EVA1A: variants seen among roughly 807,000 people sequenced by gnomAD.
EVA1A encodes eva-1 homolog A, regulator of programmed cell death.
In EVA1A, 7 loss-of-function variants were observed where a neutral mutation model predicts 9.8. The observed-to-expected ratio is 0.71, with a 90% CI of 0.41 to 1.34. EVA1A has a LOEUF of 1.34. Ranked by LOEUF, EVA1A falls within the 40% of genes most tolerant of loss-of-function variation. The pLI, the probability that EVA1A is intolerant of heterozygous loss-of-function variation, is 0.01. For missense variants in EVA1A, 206 were observed against 205.9 expected (o/e 1.00, Z 0.00); for synonymous variants, 90 against 85.6 (o/e 1.05, Z -0.28).
chr2:75,512,463 G>C (rs1674851308), intron 3 of EVA1A, among the ~76,000 whole-genome samples: 1 of 152,026 alleles, frequency 6.6e-6, no homozygotes, highest in African/African-American at 2.4e-5. Flanking sequence ...GCCAGTCCAG[G>C]ACTAAAAGGG....
intron 1 of EVA1A, among the ~76,000 whole-genome samples, chr2:75,554,870 C>G (rs1254944841): frequency 6.6e-6 from 1 of 152,188 alleles, no homozygotes; most frequent in Non-Finnish European, 1.5e-5. Context: ...GAGTCTTCTT[C>G]TCTACTCATA....
Position 75,501,318 on chromosome 2 carries a change from C to T in EVA1A, c.86-7709G>A, listed in dbSNP as rs574940184. ...TGCTCAAGTGACATGCCTTGAACTT[C>T]GCAAATGTTTAATTCCTTCTTTTGT... On this transcript the variant is annotated intron_variant, in intron 3 of 3. Coordinates refer to ENST00000393913, the MANE Select transcript of EVA1A (RefSeq NM_001135032.2). Among the ~76,000 whole-genome samples the T allele has an allele frequency of 6.6e-5, 10 of 152,254 alleles. No individual in the cohort carries two copies. The South Asian group carries it at 1.0e-3, about 16-fold the overall frequency.
intron 1 of EVA1A, among the ~76,000 whole-genome samples, chr2:75,523,719 A>G (rs1675311917): frequency 6.6e-6 from 1 of 152,192 alleles, no homozygotes; most frequent in African/African-American, 2.4e-5. Flanking sequence ...TGAACTCCGT[A>G]AGGGCAGGGA....
At chr2:75,533,848 G>A (rs924532704) in intron 1 of EVA1A, among the ~76,000 whole-genome samples, 4 of 151,362 alleles carry the variant, frequency 2.6e-5, no homozygotes, top group African/African-American at 9.7e-5. Flanking sequence ...GTCTTGCTCT[G>A]TTGCCCAGGC....
chr2:75,507,016 CATCCAAAAGT>C (rs1331334947), intron 3 of EVA1A, among the ~76,000 whole-genome samples: 1 of 152,222 alleles, frequency 6.6e-6, no homozygotes, highest in African/African-American at 2.4e-5. Flanking sequence ...CCTGTCCACA[CATCCAAAAGT>C]AGATCTGTCC....
intron 3 of EVA1A, among the ~76,000 whole-genome samples, chr2:75,515,714 C>A (rs952325100): frequency 6.6e-6 from 1 of 152,074 alleles, no homozygotes; most frequent in Non-Finnish European, 1.5e-5. Flanking sequence ...TTATATAAAC[C>A]GTATCTGTTT....
chr2:75,560,881 C>G lies in EVA1A; in HGVS notation c.-393G>C, dbSNP rs1276346726. Reference sequence around the variant, plus strand: ...TGGCCTGGGGATGTGGGGTCCCGGCCTGGGTGCTCACGGACGGCGGCGCCA... The same window carrying G: ...TGGCCTGGGGATGTGGGGTCCCGGCGTGGGTGCTCACGGACGGCGGCGCCA... On this transcript the variant is annotated 5_prime_UTR_variant, in exon 1 of 4. Transcript: ENST00000393913. 6.5e-6 allele frequency: 1 copy of G among 153,152 alleles called. No individual in the cohort carries two copies. The highest frequency in any genetic ancestry group is 2.4e-5 in the African/African-American group (1 of 41,472). 9.5% of individuals were successfully genotyped at this position (153,152 alleles called of 1,614,324 possible). A position where few individuals can be genotyped will look rare whatever the true frequency, so the allele number is the denominator to read the frequency against.
At chr2:75,493,863 T>C (rs933364320) in intron 3 of EVA1A, among the ~76,000 whole-genome samples, 5 of 152,154 alleles carry the variant, frequency 3.3e-5, no homozygotes, top group African/African-American at 1.2e-4. Context: ...AATGAAAAGG[T>C]AAAAGAAAGA....
At chr2:75,540,957 A>T (rs943087344) in intron 1 of EVA1A, 3 of 152,248 alleles carry the variant, frequency 2.0e-5, no homozygotes, top group African/African-American at 7.2e-5. Context: ...GGGACGCAGC[A>T]TGCAAGATGC....
In EVA1A at chr2:75,496,920, A is replaced by C. The variant is rs1289800378; in HGVS notation, c.86-3311T>G. 3.3e-5 allele frequency among the ~76,000 whole-genome samples: 5 copies of C among 152,226 alleles called. No individual in the cohort carries two copies. In the East Asian group the frequency reaches 7.7e-4, roughly 23 times the overall value. On this transcript the variant is annotated intron_variant, in intron 3 of 3. Coordinates refer to ENST00000393913, the MANE Select transcript of EVA1A (RefSeq NM_001135032.2). ...CCATCTGATCTTTGACAAAGTCAAC[A>C]ATAACAGCAAAGGGGAAAAGATTCT...
intron 3 of EVA1A, among the ~76,000 whole-genome samples, chr2:75,514,819 T>C (rs1674948223): frequency 6.6e-6 from 1 of 152,196 alleles, no homozygotes; most frequent in South Asian, 2.1e-4. Flanking sequence ...TTAGGAGACA[T>C]TTCCAGAAGT....
chr2:75,501,193 G>A (rs1319093272), intron 3 of EVA1A, among the ~76,000 whole-genome samples: 1 of 152,044 alleles, frequency 6.6e-6, no homozygotes, highest in Non-Finnish European at 1.5e-5. Flanking sequence ...GTTCATCCCT[G>A]ACTCCTCTGC....
At chr2:75,506,754 T>C (rs963801092) in intron 3 of EVA1A, among the ~76,000 whole-genome samples, 3 of 152,188 alleles carry the variant, frequency 2.0e-5, no homozygotes, top group South Asian at 2.1e-4. Flanking sequence ...TTAGGACACA[T>C]GGCCAGGACC....
At chr2:75,553,298 G>A (rs1321463098) in intron 1 of EVA1A, among the ~76,000 whole-genome samples, 2 of 152,236 alleles carry the variant, frequency 1.3e-5, no homozygotes, top group Non-Finnish European at 2.9e-5. Context: ...TGCCTCTAGT[G>A]TGGTACTTTA....
Position 75,493,526 on chromosome 2 carries a change from T to A in EVA1A, c.169A>T (p.Ile57Phe). The part of the protein sequence containing the change: ...VLTLAALVIR[I>F]SCHTDCRRRP... Reference sequence around the variant, plus strand: ...CGCCTGCAGTCTGTGTGGCAAGAGATCCTTATCACCAGAGCAGCCAGGGTC... The same window carrying A: ...CGCCTGCAGTCTGTGTGGCAAGAGAACCTTATCACCAGAGCAGCCAGGGTC... Residue 57 changes from isoleucine (I) to phenylalanine (F), a missense_variant, in exon 4 of 4, where the codon ATC (isoleucine) becomes TTC (phenylalanine). Transcript: ENST00000393913. The A allele has an allele frequency of 6.2e-7, 1 of 1,614,158 alleles. No homozygotes were observed. Among genetic ancestry groups the A allele is most frequent in the Non-Finnish European group, 8.5e-7 (1 of 1,180,028 alleles).
intron 1 of EVA1A, among the ~76,000 whole-genome samples, chr2:75,540,099 C>A (rs1558687631): frequency 6.6e-6 from 1 of 152,224 alleles, no homozygotes. Flanking sequence ...TAGAAGGAAA[C>A]CATAGGTATG....
intron 1 of EVA1A, among the ~76,000 whole-genome samples, chr2:75,543,940 G>A (rs886610054): frequency 2.0e-5 from 3 of 152,036 alleles, no homozygotes; most frequent in African/African-American, 7.3e-5. Flanking sequence ...CATTTCAAGG[G>A]TTCTAGAAAT....
At chr2:75,528,862 A>C (rs916787037) in intron 1 of EVA1A, among the ~76,000 whole-genome samples, 2 of 152,236 alleles carry the variant, frequency 1.3e-5, no homozygotes, top group African/African-American at 4.8e-5. Context: ...TCAAGCCATT[A>C]CAGTAACTCA....
chr2:75,544,595 C>G (rs564604160), intron 1 of EVA1A, among the ~76,000 whole-genome samples: 2 of 152,082 alleles, frequency 1.3e-5, no homozygotes, highest in African/African-American at 4.8e-5. Flanking sequence ...GTGATTACTA[C>G]AGAGAAACAA....
Sources: allele counts gnomAD v4.1 joint callset (sites outside exome capture counted in the v4.1 genomes callset), GRCh38; gene constraint gnomAD v4.1.1; transcripts MANE v1.5; gene names NCBI Gene and HGNC (gene_info 2026-07-23, HGNC 2026-07-21).